GAPVD1: variants seen among roughly 807,000 people sequenced by gnomAD.
GAPVD1 encodes GTPase-activating protein and VPS9 domain-containing protein 1.
GAPVD1 carries 35 observed loss-of-function variants against 155.5 expected under a neutral mutation model. The observed-to-expected ratio is 0.23, with a 90% CI of 0.17 to 0.30. The LOEUF is 0.30. Among genes scored for constraint, GAPVD1 ranks in the 10% least tolerant of loss-of-function variants. The probability of loss-of-function intolerance (pLI) is 1.00; values close to 1 mark genes in which losing one functional copy is unlikely to be tolerated. For synonymous variants in GAPVD1, 636 were observed against 619.7 expected, an observed-to-expected ratio of 1.03 and a Z score of -0.39; for missense variants, 1,429 against 1,775.7, an observed-to-expected ratio of 0.80 and a Z score of 3.51.
chr9:125,285,069 A>C (rs948856235), intron 2 of GAPVD1, among the ~76,000 whole-genome samples: 8 of 152,122 alleles, frequency 5.3e-5, no homozygotes, highest in Admixed American at 2.6e-4. Flanking sequence ...GGGTTGGCAG[A>C]GTTTTTCTGT....
At chr9:125,265,698 A>G in intron 1 of GAPVD1, among the ~76,000 whole-genome samples, 1 of 2,734 alleles carries the variant, frequency 3.7e-4, no homozygotes, top group African/African-American at 1.7e-3. Flanking sequence ...AGTGTGAGCC[A>G]CCGCGCCCGG....
chr9:125,273,851 T>C (rs1440311931), intron 2 of GAPVD1, among the ~76,000 whole-genome samples: 1 of 152,136 alleles, frequency 6.6e-6, no homozygotes, highest in African/African-American at 2.4e-5. Context: ...CTTTTGCGTA[T>C]TCACTTCTTC....
intron 25 of GAPVD1, among the ~76,000 whole-genome samples, chr9:125,356,114 A>G (rs972891816): frequency 6.6e-6 from 1 of 152,128 alleles, no homozygotes; most frequent in East Asian, 1.9e-4. Flanking sequence ...TGCCTTAACT[A>G]ATCTTCCCTT....
intron 27 of GAPVD1, among the ~76,000 whole-genome samples, chr9:125,361,149 A>G (rs1850855708): frequency 6.6e-6 from 1 of 152,044 alleles, no homozygotes; most frequent in Admixed American, 6.6e-5. Flanking sequence ...GATCATAGAC[A>G]TGAGCCACCG....
intron 23 of GAPVD1, among the ~76,000 whole-genome samples, chr9:125,351,345 A>G (rs180782489): frequency 4.5e-4 from 68 of 152,268 alleles, no homozygotes; most frequent in Middle Eastern, 3.4e-3. Flanking sequence ...GCCAAACCAT[A>G]TCTTTCTGCC....
At chr9:125,317,353 C>T (rs1321173619) in intron 9 of GAPVD1, among the ~76,000 whole-genome samples, 6 of 150,560 alleles carry the variant, frequency 4.0e-5, no homozygotes, top group South Asian at 2.1e-4. Context: ...GATGGCCGGG[C>T]GGTGGCTCAC....
At chr9:125,318,085 A>G (rs926900616) in intron 9 of GAPVD1, among the ~76,000 whole-genome samples, 1 of 152,194 alleles carries the variant, frequency 6.6e-6, no homozygotes, top group Non-Finnish European at 1.5e-5. Flanking sequence ...CCCCTGTTCA[A>G]GTGATTCTCC....
chr9:125,293,630 A>T (rs557559339), intron 2 of GAPVD1, among the ~76,000 whole-genome samples: 11 of 130,604 alleles, frequency 8.4e-5, no homozygotes, highest in Non-Finnish European at 3.1e-5. Flanking sequence ...TATATATATT[A>T]TATATATATA....
chr9:125,326,835 A>G (rs959223180), intron 12 of GAPVD1, among the ~76,000 whole-genome samples: 50 of 152,000 alleles, frequency 3.3e-4, no homozygotes, highest in Non-Finnish European at 6.2e-4. Context: ...CCAAAAAAAA[A>G]AAAGAAAGAA....
At chr9:125,341,024 G>A (rs1158192467) in intron 17 of GAPVD1, among the ~76,000 whole-genome samples, 153 bp from the exon 18 acceptor site, 1 of 152,186 alleles carries the variant, frequency 6.6e-6, no homozygotes. Flanking sequence ...AGTCGAGGCT[G>A]CAGTGAGCTG....
intron 6 of GAPVD1, among the ~76,000 whole-genome samples, chr9:125,306,785 A>C (rs1029355659): frequency 1.3e-5 from 2 of 152,142 alleles, no homozygotes; most frequent in Non-Finnish European, 2.9e-5. Context: ...GCACTACCAC[A>C]CCCAGCTCCA....
intron 20 of GAPVD1, among the ~76,000 whole-genome samples, chr9:125,348,352 T>A (rs1241744547): frequency 6.6e-6 from 1 of 152,072 alleles, no homozygotes; most frequent in Non-Finnish European, 1.5e-5. Context: ...ACACAATATA[T>A]TTATTATATT....
intron 11 of GAPVD1, among the ~76,000 whole-genome samples, chr9:125,326,018 C>A (rs936850736): frequency 6.6e-6 from 1 of 152,180 alleles, no homozygotes; most frequent in African/African-American, 2.4e-5. Flanking sequence ...GCCTATTAGT[C>A]ACTGCTTATC....
rs374687867 is a variant in GAPVD1, at chr9:125,266,057, C to A, written c.-198-2879C>A. ...AGCCCTTAGTAAAGTTGAAGATAGG[C>A]GTACTCTATAATTTCACGTCTATAA... is the stretch of plus-strand genomic sequence containing the variant. On this transcript the variant is annotated intron_variant, in intron 1 of 27. Coordinates refer to ENST00000297933, the MANE Select transcript of GAPVD1 (RefSeq NM_001282680.3). Among the ~76,000 whole-genome samples, 5 of 149,718 alleles carry A rather than the reference C, an allele frequency of 3.3e-5. No individual in the cohort carries two copies. In the East Asian group the frequency reaches 9.7e-4, roughly 29 times the overall value.
chr9:125,354,628 G>A (rs761513564), intron 23 of GAPVD1, 26 bp from the exon 24 acceptor site: 3 of 1,508,830 alleles, frequency 2.0e-6, no homozygotes, highest in Admixed American at 1.7e-5. Context: ...TATATCTGAT[G>A]TCATGCAAAG....
At position 125,333,558 on chromosome 9, in the gene GAPVD1, G is replaced by A. The variant is rs138641461; in HGVS notation, c.2428+929G>A. ...GGCTGGAGTGCAATGGCGCAATCTC[G>A]GCTCACCACAACCTCTGTCTCCCAG... On this transcript the variant is annotated intron_variant, in intron 15 of 27. Transcript: ENST00000297933. Among the ~76,000 whole-genome samples the A allele has an allele frequency of 7.0e-3, 987 of 141,546 alleles. 14 individuals carry two copies. The highest frequency in any genetic ancestry group is 0.025 in the African/African-American group (940 of 37,810). The allele number at this position is 141,546 out of a possible 152,430, so 92.9% of individuals were successfully genotyped here.
At chr9:125,263,116 A>T (rs150825581) in intron 1 of GAPVD1, among the ~76,000 whole-genome samples, 4 of 152,352 alleles carry the variant, frequency 2.6e-5, no homozygotes, top group African/African-American at 9.6e-5. Context: ...TTAATTATGC[A>T]CTTAAAAGAA....
rs940621088 is a variant in GAPVD1, at chr9:125,355,789, A to T, written c.3903A>T (p.Arg1301=). Residue 1301 remains arginine (R), a synonymous_variant, in exon 25 of 28, where the codon CGA becomes CGT. Coordinates refer to ENST00000297933, the MANE Select transcript of GAPVD1 (RefSeq NM_001282680.3). Reference sequence around the variant, plus strand: ...AAGATGCACAGCTGGCCATTGAGCGAAGCGTGATGAACCGGATTTTCAAGC... The same window carrying T: ...AAGATGCACAGCTGGCCATTGAGCGTAGCGTGATGAACCGGATTTTCAAGC... ...QLQDAQLAIE[R]SVMNRIFKLA... The T allele has an allele frequency of 1.9e-6, 3 of 1,613,770 alleles. No homozygotes were observed. The highest frequency in any genetic ancestry group is 2.5e-6 in the Non-Finnish European group (3 of 1,179,672).
At chr9:125,285,369 TAA>T (rs1837480806) in intron 2 of GAPVD1, among the ~76,000 whole-genome samples, 1 of 152,090 alleles carries the variant, frequency 6.6e-6, no homozygotes, top group African/African-American at 2.4e-5. Context: ...CTCTCAGTGA[TAA>T]GTGTTAAAAC....
Sources: gnomAD v4.1 joint callset for allele counts (sites outside exome capture counted in the v4.1 genomes callset) on GRCh38, gnomAD v4.1.1 for gene constraint, MANE v1.5 for transcripts, NCBI Gene and HGNC (gene_info 2026-07-23, HGNC 2026-07-21) for gene names.